DCDC2: variants seen among roughly 807,000 people sequenced by gnomAD.
DCDC2 encodes doublecortin domain containing 2, also known as doublecortin domain-containing protein 2.
Under a neutral mutation model 50.2 loss-of-function variants are expected in DCDC2, and 40 were observed. The observed-to-expected ratio is 0.80, with a 90% confidence interval of 0.62 to 1.04. The LOEUF (loss-of-function observed/expected upper bound fraction) is 1.04. DCDC2 is among the 50% of genes least tolerant of loss of function. DCDC2 has a pLI of 0.00. For synonymous variants in DCDC2, 234 were observed against 210.6 expected, an observed-to-expected ratio of 1.11 and a Z score of -0.96; for missense variants, 570 against 581.9, an observed-to-expected ratio of 0.98 and a Z score of 0.21.
intron 6 of DCDC2, among the ~76,000 whole-genome samples, chr6:24,286,277 G>C (rs949516090): frequency 3.3e-5 from 5 of 152,108 alleles, no homozygotes; most frequent in African/African-American, 1.2e-4. Flanking sequence ...TGTTCAACTA[G>C]GACCATTACA....
chr6:24,342,542 C>T (rs1376716032), intron 2 of DCDC2, among the ~76,000 whole-genome samples: 3 of 152,118 alleles, frequency 2.0e-5, no homozygotes, highest in Non-Finnish European at 4.4e-5. Flanking sequence ...TAGATTAGAG[C>T]GCATTTTGAA....
chr6:24,359,293 A>T (rs1256414612), upstream of DCDC2, among the ~76,000 whole-genome samples: 4 of 51,648 alleles, frequency 7.7e-5, no homozygotes, highest in African/African-American at 3.8e-4. Context: ...TATATATTTT[A>T]TATTTTTTAT....
rs569591681 is a variant in DCDC2, at chr6:24,350,635, G to T, written c.348+2934C>A. 1.1e-4 allele frequency among the ~76,000 whole-genome samples: 17 copies of T among 151,980 alleles called. No individual in the cohort carries two copies. The East Asian group carries it at 2.3e-3, about 21-fold the overall frequency. ...TCATCCCTCATAATGACACATTTTT[G>T]AATTTTTTTGTGCTACTACGGCACT... is the stretch of plus-strand genomic sequence containing the variant. On this transcript the variant is annotated intron_variant, in intron 2 of 9. Coordinates refer to ENST00000378454, the MANE Select transcript of DCDC2 (RefSeq NM_016356.5).
At chr6:24,368,214 G>A in the DCDC2 span, among the ~76,000 whole-genome samples, 4 of 152,068 alleles carry the variant, frequency 2.6e-5, no homozygotes, top group Admixed American at 2.0e-4. Context: ...GAAGGGTTAG[G>A]AGCTAAAGTA....
intron 7 of DCDC2, among the ~76,000 whole-genome samples, chr6:24,237,571 A>G (rs533419413): frequency 1.3e-5 from 2 of 152,348 alleles, no homozygotes; most frequent in South Asian, 2.1e-4. Context: ...ATTACTGGGT[A>G]GATAACAAAA....
At position 24,346,288 on chromosome 6, in the gene DCDC2, G is replaced by A. The variant is rs181368351; in HGVS notation, c.348+7281C>T. Among the ~76,000 whole-genome samples, 208 of 152,232 alleles carry A rather than the reference G, an allele frequency of 1.4e-3. 1 individual carries two copies. The highest frequency in any genetic ancestry group is 1.7e-3 in the Non-Finnish European group (119 of 68,024). On this transcript the variant is annotated intron_variant, in intron 2 of 9. Transcript: ENST00000378454. Reference sequence around the variant, plus strand: ...TAGGGGTAGTACAGAAAAGAGACAGGAAGAGGGAAAAAAGAAAGAAGTCAC... The same window carrying A: ...TAGGGGTAGTACAGAAAAGAGACAGAAAGAGGGAAAAAAGAAAGAAGTCAC...
chr6:24,205,277 T>C, intron 7 of DCDC2, 175 bp from the exon 8 acceptor site: 2 of 1,553,476 alleles, frequency 1.3e-6, no homozygotes, highest in Admixed American at 2.0e-5. Context: ...TTGTTCCACA[T>C]TTTCATTGAG....
At chr6:24,192,117 G>A (rs1402680802) in intron 8 of DCDC2, among the ~76,000 whole-genome samples, 1 of 152,166 alleles carries the variant, frequency 6.6e-6, no homozygotes, top group Non-Finnish European at 1.5e-5. Context: ...TTTATTATCT[G>A]GAGATGTTGA....
At chr6:24,258,445 A>G (rs1762940731) in intron 7 of DCDC2, among the ~76,000 whole-genome samples, 1 of 152,128 alleles carries the variant, frequency 6.6e-6, no homozygotes, top group Admixed American at 6.5e-5. Context: ...ACCTCTGGCT[A>G]GCCACAGAGC....
intron 7 of DCDC2, among the ~76,000 whole-genome samples, chr6:24,229,845 T>TCTG (rs1307995828): frequency 6.6e-6 from 1 of 152,184 alleles, no homozygotes; most frequent in Non-Finnish European, 1.5e-5. Context: ...ATCTGACTGA[T>TCTG]CTCAGGAGTG....
chr6:24,341,533 C>G (rs1198620145), intron 2 of DCDC2, among the ~76,000 whole-genome samples: 2 of 150,438 alleles, frequency 1.3e-5, no homozygotes, highest in African/African-American at 4.9e-5. Flanking sequence ...AAAAAAAATG[C>G]CTCCATCCAT....
chr6:24,358,276 A>G (rs1249017042), upstream of DCDC2: 2 of 201,590 alleles, frequency 9.9e-6, no homozygotes, highest in African/African-American at 4.7e-5. Flanking sequence ...AAAGCAATTA[A>G]GTTCCTGGAT....
intron 2 of DCDC2, among the ~76,000 whole-genome samples, chr6:24,350,994 G>A (rs1760359485): frequency 6.6e-6 from 1 of 152,198 alleles, no homozygotes; most frequent in African/African-American, 2.4e-5. Context: ...TTGTGGGAAA[G>A]AGAAAGGTAG....
chr6:24,210,052 GTGTC>G (rs1554145331), intron 7 of DCDC2, among the ~76,000 whole-genome samples: 5,083 of 133,030 alleles, frequency 0.038, 245 homozygotes, highest in African/African-American at 0.13. Context: ...GTGTGTGTGT[GTGTC>G]TGTCTGTCTG....
At chr6:24,211,727 A>G (rs1293198773) in intron 7 of DCDC2, among the ~76,000 whole-genome samples, 1 of 152,194 alleles carries the variant, frequency 6.6e-6, no homozygotes, top group South Asian at 2.1e-4. Context: ...AACCATGGAC[A>G]TGAATCCTTG....
At chr6:24,317,320 A>G (rs1177627460) in intron 2 of DCDC2, among the ~76,000 whole-genome samples, 5 of 152,122 alleles carry the variant, frequency 3.3e-5, no homozygotes, top group Non-Finnish European at 5.9e-5. Flanking sequence ...TAGAAAGCCC[A>G]GAAACAGACC....
Position 24,357,626 on chromosome 6 carries a change from G to C in DCDC2, c.125C>G (p.Ser42Cys). 7 of 1,613,500 alleles carry C rather than the reference G, an allele frequency of 4.3e-6. No individual in the cohort carries two copies. The highest frequency in any genetic ancestry group is 5.9e-6 in the Non-Finnish European group (7 of 1,180,050). ...RRVVIHEKKV[S>C]SFEVFLKEVT... The stretch of plus-strand genomic sequence containing the variant: ...CTCCTTCAGGAAGACTTCGAAGCTG[G>C]ACACCTTCTTCTCATGGATGACGAC... The change falls in exon 1 of 10, where the codon TCC becomes TGC. Residue 42 changes from serine (S) to cysteine (C), a missense_variant. Coordinates refer to ENST00000378454, the MANE Select transcript of DCDC2 (RefSeq NM_016356.5).
At chr6:24,232,421 A>G (rs1762355155) in intron 7 of DCDC2, among the ~76,000 whole-genome samples, 1 of 152,238 alleles carries the variant, frequency 6.6e-6, no homozygotes, top group Non-Finnish European at 1.5e-5. Context: ...AAGTCAACTC[A>G]ATCAGCATGT....
intron 7 of DCDC2, among the ~76,000 whole-genome samples, chr6:24,211,795 G>C (rs1405411741): frequency 6.6e-6 from 1 of 152,176 alleles, no homozygotes; most frequent in East Asian, 1.9e-4. Context: ...ACCCAGTAAG[G>C]CCCATTTTGG....
Sources: gnomAD v4.1 joint callset for allele counts (sites outside exome capture counted in the v4.1 genomes callset) on GRCh38, gnomAD v4.1.1 for gene constraint, MANE v1.5 for transcripts, NCBI Gene and HGNC (gene_info 2026-07-23, HGNC 2026-07-21) for gene names.